SAMD5: variants seen among roughly 807,000 people sequenced by gnomAD.
SAMD5 encodes sterile alpha motif domain containing 5, also known as sterile alpha motif domain-containing protein 5.
A neutral mutation model predicts 11.3 loss-of-function variants in SAMD5; 13 were observed. The ratio of observed to expected loss-of-function variants is 1.15; its 90% CI spans 0.75 to 1.83. The LOEUF is 1.83. Ranked by LOEUF, SAMD5 falls within the 40% of genes most tolerant of loss-of-function variation. The pLI is 0.00. For synonymous variants in SAMD5, 129 were observed against 111.3 expected (o/e 1.16, Z -1.00); for missense variants, 255 against 239.1 (o/e 1.07, Z -0.44).
In SAMD5 at chr6:147,718,546, G is replaced by C. The variant is rs1453068193; in HGVS notation, c.163-18771G>C. On this transcript the variant is annotated intron_variant, in intron 1 of 1. Transcript: ENST00000566741. ...TCCACAATTTACTGAAGTAGAAAAA[G>C]AATAGAGCTCTATTGGGTTAAGCAA... Among the ~76,000 whole-genome samples, 3 of 152,154 alleles carry C rather than the reference G, an allele frequency of 2.0e-5. No individual in the cohort carries two copies. The East Asian group carries it at 5.8e-4, about 29-fold the overall frequency.
the SAMD5 span, among the ~76,000 whole-genome samples, chr6:147,922,855 T>G: frequency 6.6e-6 from 1 of 152,156 alleles, no homozygotes; most frequent in African/African-American, 2.4e-5. Flanking sequence ...ATAATGGAGA[T>G]GAGTTCTTTA....
chr6:147,818,419 G>T, the SAMD5 span, among the ~76,000 whole-genome samples: 1 of 152,174 alleles, frequency 6.6e-6, no homozygotes, highest in Admixed American at 6.5e-5. Flanking sequence ...TTAGTAAATT[G>T]TATACTTTAA....
chr6:147,776,064 A>C, the SAMD5 span, among the ~76,000 whole-genome samples: 1 of 152,206 alleles, frequency 6.6e-6, no homozygotes, highest in Non-Finnish European at 1.5e-5. Flanking sequence ...ACTATAGACT[A>C]GACATTGAGA....
chr6:147,539,304 G>C (rs1326617457), intron 1 of SAMD5, among the ~76,000 whole-genome samples: 1 of 152,218 alleles, frequency 6.6e-6, no homozygotes, highest in Admixed American at 6.5e-5. Context: ...TCCCAGTCGC[G>C]GGCGAGGATG....
chr6:147,657,964 G>T (rs1015144740), intron 1 of SAMD5, among the ~76,000 whole-genome samples: 1 of 152,152 alleles, frequency 6.6e-6, no homozygotes, highest in Admixed American at 6.5e-5. Flanking sequence ...CTTTTGTATG[G>T]ATTATTTGTA....
At chr6:147,610,054 T>C (rs1789759927) in intron 1 of SAMD5, among the ~76,000 whole-genome samples, 1 of 152,232 alleles carries the variant, frequency 6.6e-6, no homozygotes, top group South Asian at 2.1e-4. Context: ...TTGCACATTA[T>C]GCTGTGTGCT....
At chr6:147,723,421 G>T (rs1350369612) in intron 1 of SAMD5, among the ~76,000 whole-genome samples, 1 of 152,160 alleles carries the variant, frequency 6.6e-6, no homozygotes, top group African/African-American at 2.4e-5. Context: ...CAGGAGGATT[G>T]CCTACCCTTC....
the SAMD5 span, among the ~76,000 whole-genome samples, chr6:147,939,610 G>A: frequency 6.6e-6 from 1 of 152,180 alleles, no homozygotes; most frequent in Non-Finnish European, 1.5e-5. Context: ...AGTGCAATCT[G>A]ACCTTCAGAG....
the SAMD5 span, among the ~76,000 whole-genome samples, chr6:147,890,711 G>T: frequency 6.6e-6 from 1 of 151,316 alleles, no homozygotes; most frequent in Non-Finnish European, 1.5e-5. Flanking sequence ...TGATACAGAT[G>T]CAGGAAAATA....
intron 1 of SAMD5, among the ~76,000 whole-genome samples, chr6:147,592,359 G>A (rs1389897868): frequency 6.6e-6 from 1 of 152,078 alleles, no homozygotes; most frequent in Non-Finnish European, 1.5e-5. Flanking sequence ...GAATGAAGTA[G>A]GGTCAGTCCA....
the SAMD5 span, among the ~76,000 whole-genome samples, chr6:147,904,433 C>T: frequency 3.9e-5 from 6 of 152,162 alleles, no homozygotes; most frequent in South Asian, 2.1e-4. Context: ...GGGTCTCTGA[C>T]GAACTTCATG....
intron 1 of SAMD5, among the ~76,000 whole-genome samples, chr6:147,677,633 A>C (rs546575614): frequency 6.6e-6 from 1 of 152,292 alleles, no homozygotes; most frequent in African/African-American, 2.4e-5. Flanking sequence ...GCTGGGCAGC[A>C]GAAGAGCTCT....
the SAMD5 span, among the ~76,000 whole-genome samples, chr6:147,910,336 G>A: frequency 2.0e-5 from 3 of 152,074 alleles, no homozygotes; most frequent in Non-Finnish European, 2.9e-5. Context: ...ACGTCACACC[G>A]CTCTCACTTG....
intron 1 of SAMD5, among the ~76,000 whole-genome samples, chr6:147,666,978 C>A (rs1583131505): frequency 1.3e-5 from 2 of 152,176 alleles, no homozygotes. Context: ...CCTGCAGTAG[C>A]CCTTTCCCCC....
intron 1 of SAMD5, among the ~76,000 whole-genome samples, chr6:147,523,354 T>C (rs1026589007): frequency 5.3e-5 from 8 of 152,188 alleles, no homozygotes; most frequent in Non-Finnish European, 1.0e-4. Context: ...TAGGTGGATT[T>C]TTTAAAAAGG....
chr6:147,567,335 G>A lies in SAMD5; in HGVS notation c.*2879G>A, dbSNP rs985554189. 5.1e-6 allele frequency: 5 copies of A among 985,092 alleles called. No homozygotes were observed. The African/African-American group carries it at 8.7e-5, about 17-fold the overall frequency. The allele number at this position is 985,092 out of a possible 1,614,324, so 61.0% of individuals were successfully genotyped here. A position where few individuals can be genotyped will look rare whatever the true frequency, so the allele number is the denominator to read the frequency against. ...TCAGAGATATTTATAGCATCTTGGT[G>A]TTATGCAATAAACAATGACAACAAC... is the stretch of plus-strand genomic sequence containing the variant. On this transcript the variant is annotated 3_prime_UTR_variant, in exon 2 of 2. Transcript: ENST00000367474.
chr6:147,588,710 G>A (rs9377060), intron 1 of SAMD5, among the ~76,000 whole-genome samples: 16,414 of 151,988 alleles, frequency 0.11, 1,097 homozygotes, highest in Admixed American at 0.16. Context: ...ATAGCTTTTG[G>A]AAGATCACTA....
At chr6:147,762,955 A>G in the SAMD5 span, among the ~76,000 whole-genome samples, 1 of 152,276 alleles carries the variant, frequency 6.6e-6, no homozygotes, top group African/African-American at 2.4e-5. Flanking sequence ...CTTTTGTACA[A>G]TACAGAAATT....
chr6:147,926,482 C>T, the SAMD5 span, among the ~76,000 whole-genome samples: 16 of 151,664 alleles, frequency 1.1e-4, no homozygotes, highest in East Asian at 3.1e-3. Flanking sequence ...CGTGTGTCTT[C>T]TTTGGAAAAG....
Sources: allele counts gnomAD v4.1 joint callset (sites outside exome capture counted in the v4.1 genomes callset), GRCh38; gene constraint gnomAD v4.1.1; transcripts MANE v1.5; gene names NCBI Gene and HGNC (gene_info 2026-07-23, HGNC 2026-07-21).